Variants in CDC5L observed in about 807,000 individuals in gnomAD.
CDC5L encodes cell division cycle 5 like.
In CDC5L, 18 loss-of-function variants were observed where a neutral mutation model predicts 104.1. The ratio of observed to expected loss-of-function variants is 0.17; its 90% CI spans 0.12 to 0.26. The LOEUF is 0.26. Among genes scored for constraint, CDC5L ranks in the 10% least tolerant of loss-of-function variants. The pLI is 1.00. For missense variants in CDC5L, 673 were observed against 956.9 expected (o/e 0.70, Z 3.91); for synonymous variants, 331 against 322.7 (o/e 1.03, Z -0.28).
At chr6:44,388,144 A>ACCCCCCCCCC in intron 1 of CDC5L, among the ~76,000 whole-genome samples, 1 of 44,790 alleles carries the variant, frequency 2.2e-5, no homozygotes, top group South Asian at 1.5e-3. Context: ...GCCCCCTCCC[A>ACCCCCCCCCC]CCCCGCCCCC....
Position 44,392,652 on chromosome 6 carries a change from A to C in CDC5L, c.150-15A>C, listed in dbSNP as rs765131358. Reference sequence around the variant, plus strand: ...AGGTAACTGATTAATATATAAAATGATCTATGTTTAATAGGTATGAATGGC... The same window carrying C: ...AGGTAACTGATTAATATATAAAATGCTCTATGTTTAATAGGTATGAATGGC... On this transcript the variant is annotated splice_polypyrimidine_tract_variant and intron_variant, in intron 2 of 15. Coordinates refer to ENST00000371477, the MANE Select transcript of CDC5L (RefSeq NM_001253.4). 4.4e-6 allele frequency: 7 copies of C among 1,608,968 alleles called. No homozygotes were observed.
In CDC5L at chr6:44,445,649, C is replaced by T. The variant is rs879604063; in HGVS notation, c.2092-6C>T. 5.0e-6 allele frequency: 8 copies of T among 1,605,156 alleles called. No individual in the cohort carries two copies. The highest frequency in any genetic ancestry group is 6.8e-6 in the Non-Finnish European group (8 of 1,172,512). On this transcript the variant is annotated splice_polypyrimidine_tract_variant and splice_region_variant and intron_variant, in intron 14 of 15. Coordinates refer to ENST00000371477, the MANE Select transcript of CDC5L (RefSeq NM_001253.4). ...TATGCTGATGTGATCTTCCCCTGCT[C>T]TCCAGATAAACAGGGGTCACATGAC...
intron 14 of CDC5L, among the ~76,000 whole-genome samples, chr6:44,437,909 T>C (rs1235150752): frequency 6.6e-6 from 1 of 152,196 alleles, no homozygotes; most frequent in Non-Finnish European, 1.5e-5. Context: ...AATCCAAATG[T>C]GATTGGAGTA....
In CDC5L at chr6:44,443,595, T is replaced by A. The variant is rs895176946; in HGVS notation, c.2092-2060T>A. Among the ~76,000 whole-genome samples the A allele has an allele frequency of 2.0e-5, 3 of 151,334 alleles. No homozygotes were observed. In the Admixed American group the frequency reaches 2.0e-4, roughly 10 times the overall value. On this transcript the variant is annotated intron_variant, in intron 14 of 15. Coordinates refer to ENST00000371477, the MANE Select transcript of CDC5L (RefSeq NM_001253.4). The stretch of plus-strand genomic sequence containing the variant: ...GACCTGTCTTGTAGTTTACTGATCC[T>A]TTCATCTGCTTGATCTAGTCTGCTG...
Position 44,422,766 on chromosome 6 carries a change from A to G in CDC5L, c.1361A>G (p.Asp454Gly). Residue 454 changes from aspartate to glycine, a missense_variant, in exon 10 of 16, where the codon GAT becomes GGT. By Grantham distance (94) the Asp-to-Gly change is moderately conservative. Coordinates refer to ENST00000371477, the MANE Select transcript of CDC5L (RefSeq NM_001253.4). ...GACAAGTTAAACATTAATCCCGAGGATGGAATGGCAGACTATAGTGATCCC... is the reference window on the plus strand; with the variant it reads ...GACAAGTTAAACATTAATCCCGAGGGTGGAATGGCAGACTATAGTGATCCC... ...LRDKLNINPE[D>G]GMADYSDPSY... 6.2e-7 allele frequency: 1 copy of G among 1,613,060 alleles called. No individual in the cohort carries two copies. Among genetic ancestry groups the G allele is most frequent in the South Asian group, 1.1e-5 (1 of 91,046 alleles).
At chr6:44,423,256 T>C (rs1463299022) in intron 10 of CDC5L, among the ~76,000 whole-genome samples, 2 of 152,196 alleles carry the variant, frequency 1.3e-5, no homozygotes, top group African/African-American at 2.4e-5. Context: ...TTGGTTGATT[T>C]ATATATGTTT....
intron 8 of CDC5L, among the ~76,000 whole-genome samples, chr6:44,412,593 A>G (rs1581650388): frequency 1.0e-5 from 1 of 97,484 alleles, no homozygotes; most frequent in East Asian, 2.1e-4. Flanking sequence ...CTTGAAATTA[A>G]AAAAAATAGT....
intron 1 of CDC5L, 96 bp downstream of exon 1, chr6:44,387,964 T>C: frequency 1.7e-6 from 2 of 1,161,202 alleles, no homozygotes; most frequent in Non-Finnish European, 2.5e-6. Context: ...GGAGACCCTG[T>C]GGGGTCTGCG....
At chr6:44,392,432 C>T (rs1790665010) in intron 2 of CDC5L, among the ~76,000 whole-genome samples, 1 of 152,146 alleles carries the variant, frequency 6.6e-6, no homozygotes, top group South Asian at 2.1e-4. Context: ...GATCATGATT[C>T]AGTGAAGTAA....
chr6:44,401,850 T>C, intron 5 of CDC5L, among the ~76,000 whole-genome samples: 1 of 147,342 alleles, frequency 6.8e-6, no homozygotes, highest in Non-Finnish European at 1.5e-5. Context: ...TTCCCCTTCC[T>C]GTGTCCATGT....
Position 44,390,248 on chromosome 6 carries a change from T to A in CDC5L, c.46-20T>A. The stretch of plus-strand genomic sequence containing the variant: ...CTTGGAGTTTTGTGACTGAATGTAC[T>A]CTTTGGCAATTTTTTTTAGGATGAA... On this transcript the variant is annotated intron_variant, in intron 1 of 15. Coordinates refer to ENST00000371477, the MANE Select transcript of CDC5L (RefSeq NM_001253.4). The A allele has an allele frequency of 1.3e-6, 2 of 1,557,620 alleles. No homozygotes were observed. Among genetic ancestry groups the A allele is most frequent in the Non-Finnish European group, 1.8e-6 (2 of 1,129,332 alleles).
intron 9 of CDC5L, among the ~76,000 whole-genome samples, 179 bp from the exon 10 acceptor site, chr6:44,422,468 G>A (rs1234381189): frequency 6.6e-6 from 1 of 152,140 alleles, no homozygotes; most frequent in Admixed American, 6.5e-5. Context: ...TACCATGCTA[G>A]CTAGACCAAA....
chr6:44,392,483 A>G (rs1166643676), intron 2 of CDC5L, among the ~76,000 whole-genome samples, 184 bp from the exon 3 acceptor site: 1 of 152,228 alleles, frequency 6.6e-6, no homozygotes, highest in Non-Finnish European at 1.5e-5. Context: ...TTAAAATAAA[A>G]TAGAATGTGA....
At chr6:44,433,587 C>T (rs965497821) in intron 14 of CDC5L, among the ~76,000 whole-genome samples, 6 of 152,144 alleles carry the variant, frequency 3.9e-5, no homozygotes, top group African/African-American at 1.4e-4. Flanking sequence ...AATGGAAAGG[C>T]TTTCCTTAGA....
intron 14 of CDC5L, among the ~76,000 whole-genome samples, chr6:44,433,992 T>C (rs548296237): frequency 2.6e-5 from 4 of 152,298 alleles, no homozygotes; most frequent in African/African-American, 9.6e-5. Context: ...TTGCCTTGTG[T>C]AGAGGTGGGG....
intron 8 of CDC5L, 23 bp from the exon 9 acceptor site, chr6:44,419,426 T>C: frequency 6.2e-7 from 1 of 1,612,304 alleles, no homozygotes; most frequent in Non-Finnish European, 8.5e-7. Flanking sequence ...TTAAACTTGC[T>C]TCTTTGTCTT....
intron 1 of CDC5L, among the ~76,000 whole-genome samples, chr6:44,388,678 T>C (rs1232685518): frequency 6.6e-6 from 1 of 150,746 alleles, no homozygotes. Flanking sequence ...ATGGCTTCTT[T>C]TTTTTTTTTT....
At chr6:44,411,648 G>GTGTGTGTGTGTGTA (rs1791645895) in intron 8 of CDC5L, among the ~76,000 whole-genome samples, 1 of 151,312 alleles carries the variant, frequency 6.6e-6, no homozygotes. Context: ...GTGTGTGTGT[G>GTGTGTGTGTGTGTA]TGTGTGACTA....
chr6:44,428,304 G>A (rs539213741), intron 13 of CDC5L, among the ~76,000 whole-genome samples: 4 of 151,874 alleles, frequency 2.6e-5, no homozygotes, highest in South Asian at 2.1e-4. Flanking sequence ...ATGATTTTCC[G>A]TTTCTTTTGT....
Sources: allele counts gnomAD v4.1 joint callset (sites outside exome capture counted in the v4.1 genomes callset), GRCh38; gene constraint gnomAD v4.1.1; transcripts MANE v1.5; gene names NCBI Gene and HGNC (gene_info 2026-07-23, HGNC 2026-07-21).